The following RBFOX1 variants were observed in gnomAD, a reference collection of about 807,000 sequenced individuals.
RBFOX1 encodes the protein RNA binding fox-1 homolog 1.
RBFOX1 carries 8 observed loss-of-function variants against 57.7 expected under a neutral mutation model. The observed-to-expected ratio is 0.14, with a 90% confidence interval of 0.08 to 0.25. The LOEUF is 0.25. RBFOX1 is among the 10% of genes least tolerant of loss of function. RBFOX1 has a pLI of 1.00. For synonymous variants in RBFOX1, 326 were observed against 222.4 expected, an observed-to-expected ratio of 1.47 and a Z score of -4.15; for missense variants, 611 against 548.5, an observed-to-expected ratio of 1.11 and a Z score of -1.14.
intron 4 of RBFOX1, among the ~76,000 whole-genome samples, chr16:7,500,258 C>G (rs1189746527): frequency 2.6e-5 from 4 of 152,174 alleles, no homozygotes; most frequent in African/African-American, 9.7e-5. Context: ...GATCTTGGCT[C>G]TTCACTTGCC....
chr16:5,504,163 T>C (rs1259147863), intron 2 of RBFOX1, among the ~76,000 whole-genome samples: 1 of 152,182 alleles, frequency 6.6e-6, no homozygotes, highest in Non-Finnish European at 1.5e-5. Flanking sequence ...GATTACTCAT[T>C]TCAAACTCGA....
At chr16:6,405,043 A>G (rs955699091) in intron 2 of RBFOX1, among the ~76,000 whole-genome samples, 4 of 152,128 alleles carry the variant, frequency 2.6e-5, no homozygotes, top group Admixed American at 6.6e-5. Context: ...CTAAGTATTT[A>G]TGCCTGCATA....
At chr16:6,597,181 G>A (rs1383240930) in intron 2 of RBFOX1, among the ~76,000 whole-genome samples, 1 of 152,130 alleles carries the variant, frequency 6.6e-6, no homozygotes, top group Non-Finnish European at 1.5e-5. Flanking sequence ...AATTACTAAG[G>A]ACGATTCTCT....
At chr16:5,687,625 C>T (rs2215245) in intron 3 of RBFOX1, among the ~76,000 whole-genome samples, 87,551 of 152,020 alleles carry the variant, frequency 0.58, 28,802 homozygotes, top group Non-Finnish European at 0.75. Flanking sequence ...GTCATTGTAG[C>T]GTCACCATGA....
chr16:7,374,815 A>G (rs186868895), intron 4 of RBFOX1, among the ~76,000 whole-genome samples: 1 of 152,300 alleles, frequency 6.6e-6, no homozygotes, highest in Non-Finnish European at 1.5e-5. Flanking sequence ...AGGTTTGGCC[A>G]CCTTATCTCA....
intron 4 of RBFOX1, among the ~76,000 whole-genome samples, chr16:7,279,101 T>TA (rs1035475135): frequency 5.9e-5 from 9 of 151,666 alleles, no homozygotes; most frequent in African/African-American, 2.2e-4. Context: ...TTTTTTTTTT[T>TA]AATGTACATT....
chr16:7,323,123 A>G (rs1181926237), intron 4 of RBFOX1, among the ~76,000 whole-genome samples: 2 of 152,152 alleles, frequency 1.3e-5, no homozygotes, highest in Admixed American at 1.3e-4. Context: ...ACTCAGATTG[A>G]GTTAAAATGT....
At chr16:5,865,442 C>T (rs1360987060) in intron 3 of RBFOX1, among the ~76,000 whole-genome samples, 1 of 152,154 alleles carries the variant, frequency 6.6e-6, no homozygotes, top group Non-Finnish European at 1.5e-5. Flanking sequence ...CTTGGCAAGC[C>T]TTCAGCCACA....
intron 4 of RBFOX1, among the ~76,000 whole-genome samples, chr16:7,100,565 GTTTTTT>G (rs201889492): frequency 1.7e-5 from 2 of 118,786 alleles, no homozygotes; most frequent in Non-Finnish European, 3.5e-5. Flanking sequence ...TTTAAAGGTT[GTTTTTT>G]TTTTTTTTTT....
intron 14 of RBFOX1, among the ~76,000 whole-genome samples, chr16:7,707,492 C>A (rs1314818353): frequency 6.6e-6 from 1 of 152,130 alleles, no homozygotes; most frequent in Non-Finnish European, 1.5e-5. Flanking sequence ...ACCATTTCTT[C>A]CACCAGCCTT....
At chr16:6,505,600 A>G (rs1039394866) in intron 2 of RBFOX1, among the ~76,000 whole-genome samples, 7 of 152,172 alleles carry the variant, frequency 4.6e-5, no homozygotes, top group Non-Finnish European at 8.8e-5. Flanking sequence ...TATAGCAGAG[A>G]TGAGGTGAAA....
intron 1 of RBFOX1, among the ~76,000 whole-genome samples, chr16:5,449,211 C>T (rs940890965): frequency 6.6e-6 from 1 of 152,110 alleles, no homozygotes; most frequent in African/African-American, 2.4e-5. Flanking sequence ...CCCTGCAGTC[C>T]TGTGCAGCTT....
At chr16:6,306,405 G>A (rs956770708) in intron 1 of RBFOX1, among the ~76,000 whole-genome samples, 1 of 152,176 alleles carries the variant, frequency 6.6e-6, no homozygotes, top group African/African-American at 2.4e-5. Flanking sequence ...CTCATGCATC[G>A]AAAGGAATGG....
At chr16:5,575,018 T>C (rs2046407153) in intron 2 of RBFOX1, among the ~76,000 whole-genome samples, 1 of 152,202 alleles carries the variant, frequency 6.6e-6, no homozygotes, top group South Asian at 2.1e-4. Flanking sequence ...AACAAACGGA[T>C]ACTTGAACAA....
At chr16:5,938,507 A>G (rs1247994968) in intron 4 of RBFOX1, among the ~76,000 whole-genome samples, 3 of 152,184 alleles carry the variant, frequency 2.0e-5, no homozygotes, top group African/African-American at 4.8e-5. Context: ...AAATGTCCCC[A>G]ATTCTCCATA....
intron 4 of RBFOX1, among the ~76,000 whole-genome samples, chr16:7,181,591 C>T (rs1399157726): frequency 1.3e-5 from 2 of 151,830 alleles, no homozygotes; most frequent in African/African-American, 4.8e-5. Flanking sequence ...CGCTTGCTTG[C>T]TTGCTCTGTT....
chr16:6,747,521 G>A (rs2073999153), intron 3 of RBFOX1, among the ~76,000 whole-genome samples: 1 of 151,918 alleles, frequency 6.6e-6, no homozygotes, highest in Admixed American at 6.6e-5. Flanking sequence ...GTTGTCACCT[G>A]GGATATGTAA....
intron 4 of RBFOX1, among the ~76,000 whole-genome samples, chr16:7,170,568 T>A (rs565016222): frequency 2.6e-5 from 4 of 152,222 alleles, no homozygotes; most frequent in African/African-American, 7.2e-5. Flanking sequence ...TTTAGCACTT[T>A]CCATGTGAGA....
intron 3 of RBFOX1, among the ~76,000 whole-genome samples, chr16:6,753,720 C>T (rs970146394): frequency 2.8e-4 from 35 of 126,486 alleles, no homozygotes; most frequent in African/African-American, 9.1e-4. Flanking sequence ...TGTCTTGTGT[C>T]AGAGTTAGCG....
Sources: gnomAD v4.1 joint callset for allele counts (sites outside exome capture counted in the v4.1 genomes callset) on GRCh38, gnomAD v4.1.1 for gene constraint, MANE v1.5 for transcripts, NCBI Gene and HGNC (gene_info 2026-07-23, HGNC 2026-07-21) for gene names.